The following SPG7 variants were observed in gnomAD, a reference collection of about 807,000 sequenced individuals.
SPG7 encodes the protein mitochondrial inner membrane m-AAA protease component paraplegin.
A neutral mutation model predicts 81.9 loss-of-function variants in SPG7; 103 were observed. The ratio of observed to expected loss-of-function variants is 1.26; its 90% CI spans 1.07 to 1.48. The LOEUF is 1.48. SPG7 is among the 40% of genes most tolerant of loss of function. The probability of loss-of-function intolerance (pLI) is 0.00; values close to 1 mark genes in which losing one functional copy is unlikely to be tolerated. For synonymous variants in SPG7, 534 were observed against 444.2 expected, an observed-to-expected ratio of 1.20 and a Z score of -2.54; for missense variants, 1,241 against 1,087.3, an observed-to-expected ratio of 1.14 and a Z score of -1.99.
At chr16:89,546,493 C>T in intron 10 of SPG7, 165 bp from the exon 11 acceptor site, 1 of 663,278 alleles carries the variant, frequency 1.5e-6, no homozygotes, top group Middle Eastern at 2.8e-4. Flanking sequence ...GCCTAGCCAA[C>T]TTTGCGAAAC....
chr16:89,547,729 C>T, intron 11 of SPG7: 2 of 422,206 alleles, frequency 4.7e-6, no homozygotes, highest in Non-Finnish European at 8.9e-6. Flanking sequence ...TTTCCTGCCT[C>T]AGCCTCCTGA....
rs2058333314 is a variant in SPG7 at position 89,530,934 on chromosome 16, A to G, written c.987+126A>G. On this transcript the variant is annotated intron_variant, in intron 7 of 16. Coordinates refer to ENST00000645818, the MANE Select transcript of SPG7 (RefSeq NM_003119.4). ...TCGTGGGTTGGCGGTGACCTCTACCATGTCCCATGGGGACACCAAGCAGGT... is the reference window on the plus strand; with the variant it reads ...TCGTGGGTTGGCGGTGACCTCTACCGTGTCCCATGGGGACACCAAGCAGGT... 4.6e-6 allele frequency: 6 copies of G among 1,302,122 alleles called. No individual in the cohort carries two copies. In the East Asian group the frequency reaches 9.5e-5, roughly 21 times the overall value. The allele number at this position is 1,302,122 out of a possible 1,614,324, so 80.7% of individuals were successfully genotyped here.
intron 5 of SPG7, chr16:89,527,381 A>G (rs1379265658): frequency 6.6e-6 from 1 of 152,248 alleles, no homozygotes; most frequent in Non-Finnish European, 1.5e-5. Context: ...GTGAGTGTGC[A>G]GATGCCGGAG....
At chr16:89,552,423 G>C (rs1048737891) in intron 13 of SPG7, 3 of 164,864 alleles carry the variant, frequency 1.8e-5, no homozygotes, top group Admixed American at 5.7e-5. Context: ...TGGCCATCTC[G>C]CCGCCACAAT....
intron 3 of SPG7, chr16:89,520,698 C>A (rs1230551602): frequency 7.0e-6 from 1 of 143,196 alleles, no homozygotes; most frequent in Non-Finnish European, 1.5e-5. Context: ...CGCCCAGCCC[C>A]AGCTACGTTG....
intron 3 of SPG7, 59 bp from the exon 4 acceptor site, chr16:89,523,947 G>A (rs761570409): frequency 1.0e-5 from 16 of 1,600,454 alleles, no homozygotes; most frequent in Admixed American, 1.7e-5. Flanking sequence ...AGCTCTGGAT[G>A]TCGCCCGTGT....
chr16:89,556,217 G>A (rs937740734), intron 16 of SPG7: 2 of 399,160 alleles, frequency 5.0e-6, no homozygotes, highest in Non-Finnish European at 8.8e-6. Context: ...TTTGTCTCTT[G>A]CAATACAGCC....
intron 3 of SPG7, 144 bp downstream of exon 3, chr16:89,513,181 G>C: frequency 8.3e-7 from 1 of 1,206,050 alleles, no homozygotes; most frequent in South Asian, 1.3e-5. Flanking sequence ...GAAACGCTTT[G>C]GGAGGCCCAG....
At chr16:89,525,922 T>C (rs2058254187) in intron 4 of SPG7, among the ~76,000 whole-genome samples, 1 of 152,184 alleles carries the variant, frequency 6.6e-6, no homozygotes, top group Non-Finnish European at 1.5e-5. Flanking sequence ...GTGAGCTAAC[T>C]TGCAGACATC....
rs752346853 is a variant in SPG7 at position 89,548,046 on chromosome 16, G to A, written c.1596G>A (p.Ala532=). 24 of 1,611,684 alleles carry A rather than the reference G, an allele frequency of 1.5e-5. No homozygotes were observed. The highest frequency in any genetic ancestry group is 2.2e-5 in the South Asian group (2 of 91,090). ...TCTGCAATGAGGCTGCGCTGCACGC[G>A]GCGCGGGAGGGACACACTTCCGTGC... ...ANICNEAALH[A]AREGHTSVHT... is the part of the protein sequence containing the mutation. Residue 532 remains alanine (A), a synonymous_variant, in exon 12 of 17, where the codon GCG becomes GCA. Transcript: ENST00000645818.
At chr16:89,542,624 G>A (rs764544777) in intron 9 of SPG7, among the ~76,000 whole-genome samples, 1 of 152,128 alleles carries the variant, frequency 6.6e-6, no homozygotes, top group Non-Finnish European at 1.5e-5. Context: ...GTGTGTCTTG[G>A]ACTGAGCTGC....
rs142810900 is a variant in SPG7, at chr16:89,530,938, C to T, written c.987+130C>T. ...GGGTTGGCGGTGACCTCTACCATGT[C>T]CCATGGGGACACCAAGCAGGTGCTG... On this transcript the variant is annotated intron_variant, in intron 7 of 16. Coordinates refer to ENST00000645818, the MANE Select transcript of SPG7 (RefSeq NM_003119.4). 19 of 1,218,614 alleles carry T rather than the reference C, an allele frequency of 1.6e-5. No individual in the cohort carries two copies. The East Asian group carries it at 2.7e-4, about 17-fold the overall frequency. 75.5% of individuals were successfully genotyped at this position (1,218,614 alleles called of 1,614,324 possible).
intron 9 of SPG7, chr16:89,540,850 G>T: frequency 1.0e-6 from 1 of 959,104 alleles, no homozygotes; most frequent in Non-Finnish European, 1.2e-6. Context: ...ATGCCTGGGC[G>T]CCGACGCTCA....
At chr16:89,510,274 C>T (rs1270516511) in intron 1 of SPG7, among the ~76,000 whole-genome samples, 1 of 152,156 alleles carries the variant, frequency 6.6e-6, no homozygotes, top group Non-Finnish European at 1.5e-5. Context: ...CACGCCTGGC[C>T]AATTACTGTG....
intron 2 of SPG7, among the ~76,000 whole-genome samples, chr16:89,511,306 G>A (rs1234872045): frequency 6.6e-6 from 1 of 152,146 alleles, no homozygotes; most frequent in Non-Finnish European, 1.5e-5. Flanking sequence ...CAAATAATTT[G>A]CTCTTCAATA....
In SPG7 at chr16:89,552,725, G is replaced by C. The variant is rs1426630833; in HGVS notation, c.1780-254G>C. 53 of 518,650 alleles carry C rather than the reference G, an allele frequency of 1.0e-4. 1 individual carries two copies. The South Asian group carries it at 1.0e-3, about 10-fold the overall frequency. 32.1% of individuals were successfully genotyped at this position (518,650 alleles called of 1,614,324 possible). On this transcript the variant is annotated intron_variant, in intron 13 of 16. Coordinates refer to ENST00000645818, the MANE Select transcript of SPG7 (RefSeq NM_003119.4). ...TGTCTTCTACGGGCCTTGTCTTCTT[G>C]ACTCCCTGCCTGTCTAGTCATGTAT...
chr16:89,556,865 C>T lies in SPG7; in HGVS notation c.2182-22C>T, dbSNP rs201003909. 38 of 1,592,846 alleles carry T rather than the reference C, an allele frequency of 2.4e-5. No individual in the cohort carries two copies. In the Admixed American group the frequency reaches 5.7e-4, roughly 24 times the overall value. On this transcript the variant is annotated intron_variant, in intron 16 of 16. Transcript: ENST00000645818. The stretch of plus-strand genomic sequence containing the variant: ...TCTGTCTGCCCTGGGGACTCACACA[C>T]TGCTATGCCTGTTCTTTCTAGCTGG...
intron 16 of SPG7, 69 bp from the exon 17 acceptor site, chr16:89,556,818 C>A: frequency 7.8e-7 from 1 of 1,287,272 alleles, no homozygotes; most frequent in Non-Finnish European, 1.1e-6. Flanking sequence ...CCTCTTGCCA[C>A]CTCCCCAGGA....
chr16:89,523,791 G>A (rs1354798719), intron 3 of SPG7: 3 of 706,022 alleles, frequency 4.2e-6, no homozygotes, highest in East Asian at 2.8e-5. Flanking sequence ...CCTCACTGAA[G>A]TGACCTCAGC....
Sources: gnomAD v4.1 joint callset for allele counts (sites outside exome capture counted in the v4.1 genomes callset) on GRCh38, gnomAD v4.1.1 for gene constraint, MANE v1.5 for transcripts, NCBI Gene and HGNC (gene_info 2026-07-23, HGNC 2026-07-21) for gene names.